The following B3GALT1 variants were observed in gnomAD, a reference collection of about 807,000 sequenced individuals.
B3GALT1 encodes the protein UDP-Gal:betaGlcNAc beta 1,3-galactosyltransferase, polypeptide 1.
A neutral mutation model predicts 23.2 loss-of-function variants in B3GALT1; 10 were observed. The ratio of observed to expected loss-of-function variants is 0.43; its 90% CI spans 0.27 to 0.73. The LOEUF is 0.73. B3GALT1 is among the 30% of genes least tolerant of loss of function. The pLI is 0.21. For missense variants in B3GALT1, 299 were observed against 405.4 expected (o/e 0.74, Z 2.25); for synonymous variants, 156 against 141.5 (o/e 1.10, Z -0.73).
chr2:167,506,663 A>G (rs1051255222), intron 2 of B3GALT1, among the ~76,000 whole-genome samples: 1 of 152,248 alleles, frequency 6.6e-6, no homozygotes, highest in Non-Finnish European at 1.5e-5. Flanking sequence ...AGGGCCTTAT[A>G]TTCTAATACA....
chr2:167,571,130 A>G (rs556153984), intron 2 of B3GALT1, among the ~76,000 whole-genome samples: 1 of 152,086 alleles, frequency 6.6e-6, no homozygotes, highest in East Asian at 1.9e-4. Context: ...CCATGGAGTG[A>G]AAGAGGGCTT....
intron 1 of B3GALT1, among the ~76,000 whole-genome samples, chr2:167,425,088 A>C (rs1374299163): frequency 1.3e-5 from 2 of 152,204 alleles, no homozygotes; most frequent in African/African-American, 4.8e-5. Context: ...CCTCATATGC[A>C]GCAGTAAATA....
At chr2:167,306,575 A>C (rs1241629588) in intron 1 of B3GALT1, among the ~76,000 whole-genome samples, 1 of 152,002 alleles carries the variant, frequency 6.6e-6, no homozygotes, top group Non-Finnish European at 1.5e-5. Flanking sequence ...CTTATTTCTC[A>C]CTATTCAGTA....
At chr2:167,560,561 A>G (rs1193941745) in intron 2 of B3GALT1, among the ~76,000 whole-genome samples, 1 of 152,222 alleles carries the variant, frequency 6.6e-6, no homozygotes, top group Non-Finnish European at 1.5e-5. Context: ...CAGGAAACGC[A>G]TCTCATGTGC....
At chr2:167,492,686 G>A (rs1005675179) in intron 2 of B3GALT1, among the ~76,000 whole-genome samples, 2 of 152,126 alleles carry the variant, frequency 1.3e-5, no homozygotes, top group African/African-American at 4.8e-5. Context: ...AGTATGTTGT[G>A]GTTTTTCATG....
chr2:167,763,222 C>T (rs1336973717), intron 3 of B3GALT1, among the ~76,000 whole-genome samples: 1 of 152,056 alleles, frequency 6.6e-6, no homozygotes, highest in Admixed American at 6.6e-5. Context: ...AATAACTATG[C>T]AGATTCTGTC....
chr2:167,433,171 A>G (rs558591317), intron 1 of B3GALT1, among the ~76,000 whole-genome samples: 1 of 152,176 alleles, frequency 6.6e-6, no homozygotes, highest in East Asian at 1.9e-4. Flanking sequence ...GATGTCATAT[A>G]CTTGGAATCA....
chr2:167,681,384 G>A (rs933448918), intron 3 of B3GALT1, among the ~76,000 whole-genome samples: 1 of 152,022 alleles, frequency 6.6e-6, no homozygotes, highest in African/African-American at 2.4e-5. Context: ...AATCTTATAG[G>A]TCATTTCTCC....
intron 3 of B3GALT1, among the ~76,000 whole-genome samples, chr2:167,651,451 C>G (rs914921084): frequency 4.6e-5 from 7 of 152,100 alleles, no homozygotes; most frequent in Non-Finnish European, 1.0e-4. Flanking sequence ...CCTCTTATAA[C>G]CTGAGTCACT....
In B3GALT1 at chr2:167,363,295, A is replaced by AT. The variant is rs143982468; in HGVS notation, c.-511+69968dup. Among the ~76,000 whole-genome samples the AT allele has an allele frequency of 1.7e-3, 250 of 151,422 alleles. 9 individuals are homozygous for AT. In the East Asian group the frequency reaches 0.046, roughly 28 times the overall value. ...GCTGGGCCCTTAATATTTTGTGATA[A>AT]TTTTTTTACTCATTTCTAATTGTTT... is the stretch of plus-strand genomic sequence containing the variant. On this transcript the variant is annotated intron_variant, in intron 1 of 4. Coordinates refer to ENST00000392690, the MANE Select transcript of B3GALT1 (RefSeq NM_020981.4).
At chr2:167,609,678 C>T (rs952639321) in intron 2 of B3GALT1, among the ~76,000 whole-genome samples, 2 of 152,178 alleles carry the variant, frequency 1.3e-5, no homozygotes, top group Admixed American at 6.6e-5. Context: ...TCTCCTGTAT[C>T]TCATTGTCCA....
chr2:167,607,535 G>GCA (rs1186856677), intron 2 of B3GALT1, among the ~76,000 whole-genome samples: 3 of 152,094 alleles, frequency 2.0e-5, no homozygotes, highest in Non-Finnish European at 4.4e-5. Context: ...GTGTGTGTGT[G>GCA]CACAGGTGCA....
intron 2 of B3GALT1, among the ~76,000 whole-genome samples, chr2:167,638,477 G>A (rs1400065232): frequency 1.3e-5 from 2 of 152,002 alleles, no homozygotes; most frequent in East Asian, 1.9e-4. Context: ...ACTGTACCAC[G>A]CAGTGAGATT....
intron 1 of B3GALT1, among the ~76,000 whole-genome samples, chr2:167,325,993 G>C (rs1696886959): frequency 6.6e-6 from 1 of 151,984 alleles, no homozygotes; most frequent in South Asian, 2.1e-4. Context: ...TAGGATTACA[G>C]GCATGAGCCA....
At position 167,847,925 on chromosome 2, in the gene B3GALT1, C is replaced by T. The variant is rs1293284561; in HGVS notation, c.-229-20886C>T. On this transcript the variant is annotated intron_variant, in intron 4 of 4. Coordinates refer to ENST00000392690, the MANE Select transcript of B3GALT1 (RefSeq NM_020981.4). ...CAGGACATAATACAACTGACACCAC[C>T]GAAATACAAAAGATTATTCAAGGCT... Among the ~76,000 whole-genome samples, 9 of 151,836 alleles carry T rather than the reference C, an allele frequency of 5.9e-5. No individual in the cohort carries two copies. In the East Asian group the frequency reaches 1.2e-3, roughly 20 times the overall value.
intron 2 of B3GALT1, among the ~76,000 whole-genome samples, chr2:167,512,596 A>ATATATATG (rs1700034032): frequency 4.0e-5 from 3 of 75,328 alleles, no homozygotes; most frequent in East Asian, 1.7e-3. Context: ...ATATATGTGT[A>ATATATATG]TATATATATA....
intron 2 of B3GALT1, among the ~76,000 whole-genome samples, chr2:167,544,858 G>A (rs1272445119): frequency 1.3e-5 from 2 of 152,104 alleles, no homozygotes; most frequent in Non-Finnish European, 2.9e-5. Context: ...TTCAAGGAAT[G>A]AAGCCGTGGA....
intron 1 of B3GALT1, among the ~76,000 whole-genome samples, chr2:167,436,356 A>G (rs997288426): frequency 6.6e-6 from 1 of 151,896 alleles, no homozygotes; most frequent in Non-Finnish European, 1.5e-5. Context: ...CCTCTCTACT[A>G]CACTTTTTCC....
chr2:167,535,813 A>G (rs890524760), intron 2 of B3GALT1, among the ~76,000 whole-genome samples: 22 of 152,216 alleles, frequency 1.4e-4, no homozygotes, highest in African/African-American at 5.1e-4. Context: ...ATTATGAATC[A>G]AACTGCATTT....
Sources: gnomAD v4.1 joint callset for allele counts (sites outside exome capture counted in the v4.1 genomes callset) on GRCh38, gnomAD v4.1.1 for gene constraint, MANE v1.5 for transcripts, NCBI Gene and HGNC (gene_info 2026-07-23, HGNC 2026-07-21) for gene names.